ERBB4: variants seen among roughly 807,000 people sequenced by gnomAD.
The protein encoded by ERBB4 is erb-b2 receptor tyrosine kinase 4, also known as receptor tyrosine-protein kinase erbB-4.
ERBB4 carries 42 observed loss-of-function variants against 158.0 expected under a neutral mutation model. That is an observed-to-expected ratio of 0.27 (90% CI 0.21 to 0.34). The LOEUF (loss-of-function observed/expected upper bound fraction) is 0.34, where lower values mean the gene tolerates loss of function less well. Ranked by LOEUF, ERBB4 falls within the 10% of genes least tolerant of loss-of-function variation. The pLI is 1.00. For missense variants in ERBB4, 1,333 were observed against 1,624.1 expected (o/e 0.82, Z 3.08); for synonymous variants, 583 against 558.7 (o/e 1.04, Z -0.61).
intron 2 of ERBB4, among the ~76,000 whole-genome samples, chr2:212,111,212 T>C (rs2079395187): frequency 6.6e-6 from 1 of 152,186 alleles, no homozygotes; most frequent in Admixed American, 6.5e-5. Flanking sequence ...TTATATGCAG[T>C]TAGTTGTTAA....
chr2:211,465,038 G>A (rs921237878), intron 20 of ERBB4, among the ~76,000 whole-genome samples: 12 of 148,010 alleles, frequency 8.1e-5, no homozygotes, highest in African/African-American at 2.8e-4. Flanking sequence ...CTGGAGTGCT[G>A]TGACATGATG....
rs868620359 is a variant in ERBB4 at position 212,329,427 on chromosome 2, A to G, written c.83-204524T>C. 4.6e-5 allele frequency among the ~76,000 whole-genome samples: 7 copies of G among 152,070 alleles called. No homozygotes were observed. In the South Asian group the frequency reaches 1.2e-3, roughly 27 times the overall value. On this transcript the variant is annotated intron_variant, in intron 1 of 27. Coordinates refer to ENST00000342788, the MANE Select transcript of ERBB4 (RefSeq NM_005235.3). ...TGGAAAAACAGTATGATAAAGTATGAAAGTTCATTGATTACATGGTCATAG... is the reference window on the plus strand; with the variant it reads ...TGGAAAAACAGTATGATAAAGTATGGAAGTTCATTGATTACATGGTCATAG...
intron 1 of ERBB4, among the ~76,000 whole-genome samples, chr2:212,452,009 G>GTTT (rs755896726): frequency 7.2e-6 from 1 of 139,004 alleles, no homozygotes; most frequent in Non-Finnish European, 1.6e-5. Context: ...GAGTGTGCAG[G>GTTT]TTTTTTTTTT....
At chr2:211,632,401 AT>A (rs2070176997) in intron 16 of ERBB4, among the ~76,000 whole-genome samples, 1 of 151,986 alleles carries the variant, frequency 6.6e-6, no homozygotes, top group African/African-American at 2.4e-5. Context: ...AAAGGGTCAT[AT>A]TTTTGTTTTC....
chr2:211,583,102 TA>T (rs2068152605), intron 19 of ERBB4, among the ~76,000 whole-genome samples: 1 of 152,148 alleles, frequency 6.6e-6, no homozygotes, highest in Non-Finnish European at 1.5e-5. Flanking sequence ...AGTAAATATC[TA>T]CAGATCTTCT....
chr2:211,979,519 C>A (rs1371496601), intron 2 of ERBB4, among the ~76,000 whole-genome samples: 3 of 152,084 alleles, frequency 2.0e-5, no homozygotes, highest in Non-Finnish European at 4.4e-5. Flanking sequence ...TTCTGGTAAT[C>A]CTTAAACTTA....
At chr2:211,678,261 T>C (rs182159522) in intron 13 of ERBB4, among the ~76,000 whole-genome samples, 3 of 143,292 alleles carry the variant, frequency 2.1e-5, no homozygotes, top group East Asian at 4.1e-4. Flanking sequence ...CATTCCTATA[T>C]ACAAATAGAC....
intron 1 of ERBB4, among the ~76,000 whole-genome samples, chr2:212,414,783 A>G (rs1294651892): frequency 6.6e-6 from 1 of 152,218 alleles, no homozygotes; most frequent in Non-Finnish European, 1.5e-5. Context: ...ACCCACAGAA[A>G]GAAGCTGGCT....
chr2:211,699,519 C>T lies in ERBB4; in HGVS notation c.1489+2448G>A, dbSNP rs112366446. ...GAGGCATATGGAATTTTTATGGATC[C>T]GGTGTGCTGTGAGACTGAAGTCCAA... On this transcript the variant is annotated intron_variant, in intron 12 of 27. Transcript: ENST00000342788. Among the ~76,000 whole-genome samples the T allele has an allele frequency of 5.5e-4, 84 of 151,980 alleles. 1 individual carries two copies. The highest frequency in any genetic ancestry group is 1.9e-3 in the African/African-American group (77 of 41,470).
At chr2:212,446,698 AGCAT>A (rs1445568714) in intron 1 of ERBB4, among the ~76,000 whole-genome samples, 1 of 137,692 alleles carries the variant, frequency 7.3e-6, no homozygotes, top group Non-Finnish European at 1.6e-5. Flanking sequence ...GTGAAAACTT[AGCAT>A]AGCCTTTATT....
intron 20 of ERBB4, among the ~76,000 whole-genome samples, chr2:211,439,405 C>T (rs2125449569): frequency 6.6e-6 from 1 of 152,276 alleles, no homozygotes; most frequent in South Asian, 2.1e-4. Flanking sequence ...GTTTAAAAGC[C>T]TTCAACGTTT....
rs79930909 is a variant in ERBB4, at chr2:212,473,471, C to T, written c.82+64978G>A. ...GGGCAATGATTCTAGGAAAAAAGTG[C>T]CAATTAAATGAAGAAAACAGAAAAA... On this transcript the variant is annotated intron_variant, in intron 1 of 27. Transcript: ENST00000342788. Among the ~76,000 whole-genome samples, 6 of 152,018 alleles carry T rather than the reference C, an allele frequency of 3.9e-5. No homozygotes were observed. In the East Asian group the frequency reaches 1.2e-3, roughly 29 times the overall value.
chr2:211,822,466 A>G (rs1043528564), intron 3 of ERBB4, among the ~76,000 whole-genome samples: 15 of 152,164 alleles, frequency 9.9e-5, no homozygotes, highest in African/African-American at 3.4e-4. Context: ...AAAAGAACTA[A>G]TGTATCACTT....
At chr2:212,154,644 G>A (rs2080978540) in intron 1 of ERBB4, among the ~76,000 whole-genome samples, 1 of 124,866 alleles carries the variant, frequency 8.0e-6, no homozygotes, top group Admixed American at 7.8e-5. Flanking sequence ...TGGCAGTGAA[G>A]GTCAGTGAAT....
chr2:212,103,721 ATT>A (rs10707766), intron 2 of ERBB4, among the ~76,000 whole-genome samples: 3,339 of 148,162 alleles, frequency 0.023, 130 homozygotes, highest in African/African-American at 0.077. Flanking sequence ...CTGATTTTTC[ATT>A]TTTTTTTTTT....
chr2:212,079,676 G>T (rs936159536), intron 2 of ERBB4, among the ~76,000 whole-genome samples: 2 of 151,896 alleles, frequency 1.3e-5, no homozygotes, highest in African/African-American at 2.4e-5. Flanking sequence ...TTCCAGTTAG[G>T]CATAGATGCT....
At chr2:212,501,947 CA>C (rs1202065090) in intron 1 of ERBB4, among the ~76,000 whole-genome samples, 1 of 151,938 alleles carries the variant, frequency 6.6e-6, no homozygotes, top group Non-Finnish European at 1.5e-5. Context: ...GAATTTTATT[CA>C]GTTATTAAAA....
chr2:212,486,178 TA>T (rs1335757281), intron 1 of ERBB4, among the ~76,000 whole-genome samples: 2 of 151,866 alleles, frequency 1.3e-5, no homozygotes, highest in African/African-American at 2.4e-5. Flanking sequence ...GGAGGTATAA[TA>T]ATAATAAAGA....
intron 1 of ERBB4, among the ~76,000 whole-genome samples, chr2:212,156,364 A>G (rs1474080497): frequency 6.6e-6 from 1 of 152,162 alleles, no homozygotes; most frequent in Non-Finnish European, 1.5e-5. Flanking sequence ...CAGTTCTGCC[A>G]TGATTAGTGT....
Sources: allele counts gnomAD v4.1 joint callset (sites outside exome capture counted in the v4.1 genomes callset), GRCh38; gene constraint gnomAD v4.1.1; transcripts MANE v1.5; gene names NCBI Gene and HGNC (gene_info 2026-07-23, HGNC 2026-07-21).